The following CADPS2 variants were observed in gnomAD, a reference collection of about 807,000 sequenced individuals.
The protein encoded by CADPS2 is calcium-dependent secretion activator 2.
Under a neutral mutation model 172.5 loss-of-function variants are expected in CADPS2, and 93 were observed. The ratio of observed to expected loss-of-function variants is 0.54; its 90% confidence interval spans 0.46 to 0.64. The LOEUF (loss-of-function observed/expected upper bound fraction) is 0.64, where lower values mean the gene tolerates loss of function less well. CADPS2 is among the 30% of genes least tolerant of loss of function. The probability of loss-of-function intolerance (pLI) is 0.00; values close to 1 mark genes in which losing one functional copy is unlikely to be tolerated. For synonymous variants in CADPS2, 546 were observed against 555.2 expected, an observed-to-expected ratio of 0.98 and a Z score of 0.23; for missense variants, 1,420 against 1,565.9, an observed-to-expected ratio of 0.91 and a Z score of 1.57.
intron 7 of CADPS2, among the ~76,000 whole-genome samples, chr7:122,578,750 G>C (rs1006317793): frequency 3.3e-5 from 5 of 152,134 alleles, no homozygotes; most frequent in Non-Finnish European, 7.4e-5. Context: ...AGTGACTGAG[G>C]TATGAAGGTC....
At chr7:122,775,823 G>T (rs972177018) in intron 1 of CADPS2, among the ~76,000 whole-genome samples, 1 of 151,992 alleles carries the variant, frequency 6.6e-6, no homozygotes, top group Non-Finnish European at 1.5e-5. Flanking sequence ...CCTAACAATT[G>T]CATTAAGTTT....
intron 3 of CADPS2, among the ~76,000 whole-genome samples, chr7:122,639,495 A>G (rs78762429): frequency 0.2 from 30,967 of 152,014 alleles, 3,940 homozygotes; most frequent in Middle Eastern, 0.3. Flanking sequence ...TCACCCATCT[A>G]ATTCACATTT....
chr7:122,458,043 T>A (rs903074757), intron 14 of CADPS2, among the ~76,000 whole-genome samples: 9 of 152,130 alleles, frequency 5.9e-5, no homozygotes, highest in African/African-American at 2.2e-4. Context: ...CATGAGCAAA[T>A]GACAAAGTTC....
At chr7:122,401,511 T>C (rs1204579650) in intron 20 of CADPS2, among the ~76,000 whole-genome samples, 2 of 152,224 alleles carry the variant, frequency 1.3e-5, no homozygotes, top group Admixed American at 1.3e-4. Context: ...ACTTGCCTTA[T>C]CTATTATTGA....
At chr7:122,470,553 G>A (rs1365583922) in intron 14 of CADPS2, among the ~76,000 whole-genome samples, 1 of 151,940 alleles carries the variant, frequency 6.6e-6, no homozygotes, top group Admixed American at 6.6e-5. Context: ...GGAGTGCAGT[G>A]GCATGATCTT....
intron 3 of CADPS2, among the ~76,000 whole-genome samples, chr7:122,650,023 C>T (rs531725225): frequency 1.4e-5 from 2 of 145,678 alleles, no homozygotes; most frequent in African/African-American, 5.0e-5. Context: ...ATTCTCCTGC[C>T]TCAGCCTCCC....
chr7:122,708,524 T>G (rs1312553295), intron 2 of CADPS2, among the ~76,000 whole-genome samples: 2 of 194 alleles, frequency 0.01, no homozygotes, highest in African/African-American at 0.019. Context: ...ATTCGAGATA[T>G]ATATATATAT....
intron 1 of CADPS2, among the ~76,000 whole-genome samples, chr7:122,762,913 GATAGGAGGTC>G (rs572654550): frequency 2.4e-4 from 36 of 152,190 alleles, no homozygotes; most frequent in Admixed American, 1.8e-3. Flanking sequence ...GAAAGAGAAA[GATAGGAGGTC>G]ATTGGGAACA....
At chr7:122,566,710 A>G (rs571295490) in intron 7 of CADPS2, among the ~76,000 whole-genome samples, 1 of 152,290 alleles carries the variant, frequency 6.6e-6, no homozygotes, top group South Asian at 2.1e-4. Context: ...TAGGATCCAA[A>G]TTGTACATTA....
intron 2 of CADPS2, among the ~76,000 whole-genome samples, chr7:122,704,784 G>C (rs568091112): frequency 1.3e-5 from 2 of 152,058 alleles, no homozygotes; most frequent in East Asian, 1.9e-4. Context: ...TTTCAACTTG[G>C]GGGCAATTTT....
chr7:122,878,145 A>G (rs938886717), intron 1 of CADPS2, among the ~76,000 whole-genome samples: 2 of 151,542 alleles, frequency 1.3e-5, no homozygotes, highest in Non-Finnish European at 2.9e-5. Context: ...AATCCCAGCT[A>G]GCTACTCGGG....
At chr7:122,516,801 C>G (rs947025672) in intron 8 of CADPS2, among the ~76,000 whole-genome samples, 2 of 152,088 alleles carry the variant, frequency 1.3e-5, no homozygotes, top group African/African-American at 4.8e-5. Flanking sequence ...TAGTTAATAT[C>G]TGGCAAGTGA....
intron 20 of CADPS2, among the ~76,000 whole-genome samples, chr7:122,396,585 C>T (rs1250933770): frequency 6.6e-6 from 1 of 152,194 alleles, no homozygotes; most frequent in African/African-American, 2.4e-5. Flanking sequence ...CTACAAGTTA[C>T]TTCTCCAGCT....
intron 8 of CADPS2, among the ~76,000 whole-genome samples, chr7:122,543,735 A>C (rs1377330264): frequency 6.6e-6 from 1 of 152,152 alleles, no homozygotes; most frequent in African/African-American, 2.4e-5. Context: ...ATTGTCTCTT[A>C]ATCTGAAATT....
intron 17 of CADPS2, among the ~76,000 whole-genome samples, chr7:122,427,666 A>G (rs951365311): frequency 1.8e-4 from 28 of 152,074 alleles, no homozygotes; most frequent in African/African-American, 6.0e-4. Context: ...ATCTGACCCT[A>G]TGCTTGTAGT....
intron 1 of CADPS2, among the ~76,000 whole-genome samples, chr7:122,782,962 G>A (rs960697625): frequency 1.3e-5 from 2 of 151,642 alleles, no homozygotes; most frequent in African/African-American, 4.9e-5. Flanking sequence ...ATGCATTTCT[G>A]TATTTCAAAC....
At chr7:122,721,165 G>A (rs551520855) in intron 2 of CADPS2, among the ~76,000 whole-genome samples, 1 of 151,918 alleles carries the variant, frequency 6.6e-6, no homozygotes, top group East Asian at 1.9e-4. Flanking sequence ...AGTCGGCCAG[G>A]ACAATTCTAA....
chr7:122,673,831 G>A (rs778274821), intron 2 of CADPS2, among the ~76,000 whole-genome samples: 16 of 152,064 alleles, frequency 1.1e-4, no homozygotes, highest in Non-Finnish European at 2.1e-4. Context: ...CAAACCTAGG[G>A]CGGCAGATGG....
At chr7:122,740,913 T>C (rs2092437705) in intron 1 of CADPS2, among the ~76,000 whole-genome samples, 1 of 152,086 alleles carries the variant, frequency 6.6e-6, no homozygotes, top group Admixed American at 6.5e-5. Flanking sequence ...ATAAAAAGAA[T>C]ACAAATTAAA....
Sources: allele counts gnomAD v4.1 joint callset (sites outside exome capture counted in the v4.1 genomes callset), GRCh38; gene constraint gnomAD v4.1.1; transcripts MANE v1.5; gene names NCBI Gene and HGNC (gene_info 2026-07-23, HGNC 2026-07-21).